The following COL5A1 variants were observed in gnomAD, a reference collection of about 807,000 sequenced individuals.
The protein encoded by COL5A1 is collagen alpha-1(V) chain.
In COL5A1, 16 loss-of-function variants were observed where a neutral mutation model predicts 263.7. The ratio of observed to expected loss-of-function variants is 0.06; its 90% CI spans 0.04 to 0.09. The LOEUF (loss-of-function observed/expected upper bound fraction) is 0.09. Ranked by LOEUF, COL5A1 falls within the 10% of genes least tolerant of loss-of-function variation. The pLI, the probability that COL5A1 is intolerant of heterozygous loss-of-function variation, is 1.00. For missense variants in COL5A1, 2,036 were observed against 2,540.5 expected, an observed-to-expected ratio of 0.80 and a Z score of 4.27; for synonymous variants, 1,012 against 1,004.5, an observed-to-expected ratio of 1.01 and a Z score of -0.14.
At chr9:134,723,328 C>A (rs541173833) in intron 4 of COL5A1, among the ~76,000 whole-genome samples, 1 of 151,978 alleles carries the variant, frequency 6.6e-6, no homozygotes, top group Non-Finnish European at 1.5e-5. Flanking sequence ...GGGGTTCAGT[C>A]CCTGAAACTT....
chr9:134,756,672 A>G (rs1302766638), intron 16 of COL5A1, 93 bp from the exon 17 acceptor site: 25 of 1,371,582 alleles, frequency 1.8e-5, no homozygotes, highest in Non-Finnish European at 2.5e-5. Context: ...GCTCTGGTGG[A>G]ACGCTCAACT....
chr9:134,703,933 C>T lies in COL5A1; in HGVS notation c.654+2600C>T, dbSNP rs538742848. Among the ~76,000 whole-genome samples, 5 of 152,232 alleles carry T rather than the reference C, an allele frequency of 3.3e-5. No homozygotes were observed. In the South Asian group the frequency reaches 8.3e-4, roughly 25 times the overall value. ...GGATTGCAGGCGTGAGCCACCGCGC[C>T]CGGCCTCAGGGTTTTAATGTTTGTC... On this transcript the variant is annotated intron_variant, in intron 4 of 65. Transcript: ENST00000371817.
intron 1 of COL5A1, among the ~76,000 whole-genome samples, chr9:134,668,580 A>G (rs535864488): frequency 1.3e-3 from 123 of 94,686 alleles, no homozygotes; most frequent in Non-Finnish European, 2.0e-3. Flanking sequence ...CCATCCATCT[A>G]TCTACTTGTC....
intron 1 of COL5A1, among the ~76,000 whole-genome samples, chr9:134,644,824 A>G (rs1831423497): frequency 6.6e-6 from 1 of 152,172 alleles, no homozygotes; most frequent in Admixed American, 6.5e-5. Context: ...TCTACACGCC[A>G]TTGGTTGACT....
chr9:134,822,135 G>T lies in COL5A1; in HGVS notation c.4593G>T (p.Gly1531=). The stretch of plus-strand genomic sequence containing the variant: ...CTTCTGGCCCGATTGGGCCTCCTGG[G>T]CCCCCTGGCCTGCCGGTGTGTATCT... ...TGPSGPIGPP[G]PPGLPGPPGP... The change falls in exon 59 of 66, where the codon GGG becomes GGT. Residue 1531 remains glycine, a synonymous_variant. Coordinates refer to ENST00000371817, the MANE Select transcript of COL5A1 (RefSeq NM_000093.5). 2 of 1,559,502 alleles carry T rather than the reference G, an allele frequency of 1.3e-6. No homozygotes were observed. The highest frequency in any genetic ancestry group is 1.7e-6 in the Non-Finnish European group (2 of 1,147,568).
At chr9:134,823,612 G>C in intron 61 of COL5A1, 143 bp downstream of exon 61, 1 of 818,814 alleles carries the variant, frequency 1.2e-6, no homozygotes. Flanking sequence ...CTCGCACGCA[G>C]CCGGGGAAAT....
intron 4 of COL5A1, among the ~76,000 whole-genome samples, chr9:134,706,399 T>C (rs1833840185): frequency 1.3e-5 from 2 of 152,172 alleles, no homozygotes; most frequent in East Asian, 3.9e-4. Flanking sequence ...ACGAGCTTTG[T>C]GTTTTCAGAA....
At position 134,742,934 on chromosome 9, in the gene COL5A1, A is replaced by G. The variant is rs983335305; in HGVS notation, c.1494+4126A>G. 3.3e-5 allele frequency among the ~76,000 whole-genome samples: 5 copies of G among 152,176 alleles called. No individual in the cohort carries two copies. Among genetic ancestry groups the G allele is most frequent in the African/African-American group, 1.2e-4 (5 of 41,570 alleles). On this transcript the variant is annotated intron_variant, in intron 11 of 65. Coordinates refer to ENST00000371817, the MANE Select transcript of COL5A1 (RefSeq NM_000093.5). The surrounding 1 kb of genome is among the most constrained non-coding windows in gnomAD (Gnocchi z 4.6). The stretch of plus-strand genomic sequence containing the variant: ...GACCATCAGTAAAGATTCAGGCCCC[A>G]GTGAGTCCCGCCTTCCATGGACTTC...
At chr9:134,798,354 G>A (rs2132811479) in intron 36 of COL5A1, 54 bp from the exon 37 acceptor site, 4 of 1,541,750 alleles carry the variant, frequency 2.6e-6, no homozygotes, top group East Asian at 4.5e-5. Flanking sequence ...AATTCTCAAA[G>A]GTGGTTGCTT....
Position 134,840,739 on chromosome 9 carries a change from C to T in COL5A1, c.5371-1418C>T, listed in dbSNP as rs548739042. On this transcript the variant is annotated intron_variant, in intron 65 of 65. Transcript: ENST00000371817. The stretch of plus-strand genomic sequence containing the variant: ...TGCTGGCAAGGCAGGCTCTGGTGAG[C>T]TCCCCTCTGGGCTGCAGATAGCAGC... Among the ~76,000 whole-genome samples the T allele has an allele frequency of 1.7e-4, 26 of 152,294 alleles. 1 individual carries two copies. In the South Asian group the frequency reaches 4.6e-3, roughly 27 times the overall value.
chr9:134,672,152 A>G (rs554816241), intron 1 of COL5A1, among the ~76,000 whole-genome samples: 1 of 152,374 alleles, frequency 6.6e-6, no homozygotes, highest in South Asian at 2.1e-4. Flanking sequence ...GAGATGTTAA[A>G]TATCTATGTA....
Position 134,821,141 on chromosome 9 carries a change from G to A in COL5A1, c.4554+918G>A, listed in dbSNP as rs1041629386. ...GGTATCCCCAGGCCACAGCAGGGTC[G>A]TCGGAGGAGTGCCGCCCAGGGTGTG... is the stretch of plus-strand genomic sequence containing the variant. On this transcript the variant is annotated intron_variant, in intron 58 of 65. Transcript: ENST00000371817. The surrounding 1 kb of genome is among the most constrained non-coding windows in gnomAD (Gnocchi z 4.2). Among the ~76,000 whole-genome samples the A allele has an allele frequency of 3.9e-5, 6 of 152,244 alleles. No homozygotes were observed. Among genetic ancestry groups the A allele is most frequent in the East Asian group, 1.9e-4 (1 of 5,178 alleles).
chr9:134,704,864 T>C (rs1358594045), intron 4 of COL5A1, among the ~76,000 whole-genome samples: 1 of 152,168 alleles, frequency 6.6e-6, no homozygotes, highest in Admixed American at 6.5e-5. Context: ...AGCCACCTTT[T>C]GTCTCATTGC....
intron 9 of COL5A1, among the ~76,000 whole-genome samples, chr9:134,733,833 G>T (rs977202974): frequency 2.0e-5 from 3 of 152,232 alleles, no homozygotes; most frequent in African/African-American, 7.2e-5. Flanking sequence ...TGGGACATCC[G>T]GTTGCATTTC....
intron 5 of COL5A1, among the ~76,000 whole-genome samples, chr9:134,727,610 C>T (rs1369099270): frequency 2.0e-5 from 3 of 152,186 alleles, no homozygotes; most frequent in Non-Finnish European, 4.4e-5. Context: ...CATCAATAAC[C>T]CTCTCCTTTA....
intron 11 of COL5A1, among the ~76,000 whole-genome samples, chr9:134,749,291 TGTTA>T (rs778871632): frequency 1.1e-4 from 17 of 152,136 alleles, no homozygotes; most frequent in Admixed American, 2.6e-4. Context: ...GTGATGAATG[TGTTA>T]GTTAGTGTGT....
chr9:134,795,152 A>C, intron 33 of COL5A1, 26 bp downstream of exon 33: 1 of 1,614,032 alleles, frequency 6.2e-7, no homozygotes, highest in Non-Finnish European at 8.5e-7. Context: ...GCTTGTGGGC[A>C]TGTTTGGGAA....
At chr9:134,797,399 C>G (rs955344221) in intron 36 of COL5A1, among the ~76,000 whole-genome samples, 1 of 152,316 alleles carries the variant, frequency 6.6e-6, no homozygotes, top group East Asian at 1.9e-4. Flanking sequence ...GTCCTTGGCA[C>G]CCAGTGGCCT....
At chr9:134,713,861 G>A (rs1393104356) in intron 4 of COL5A1, among the ~76,000 whole-genome samples, 1 of 152,158 alleles carries the variant, frequency 6.6e-6, no homozygotes, top group Non-Finnish European at 1.5e-5. Flanking sequence ...AGTGGAGAGT[G>A]GGTGGCCCCA....
Sources: allele counts gnomAD v4.1 joint callset (sites outside exome capture counted in the v4.1 genomes callset), GRCh38; gene constraint gnomAD v4.1.1; non-coding constraint Gnocchi (gnomAD v3.1); transcripts MANE v1.5; gene names NCBI Gene and HGNC (gene_info 2026-07-23, HGNC 2026-07-21).